The following PLCXD3 variants were observed in gnomAD, a reference collection of about 807,000 sequenced individuals.
The protein encoded by PLCXD3 is phosphatidylinositol specific phospholipase C X domain containing 3.
PLCXD3 carries 19 observed loss-of-function variants against 25.5 expected under a neutral mutation model. The ratio of observed to expected loss-of-function variants is 0.75; its 90% CI spans 0.52 to 1.09. PLCXD3 has a LOEUF of 1.09. Among genes scored for constraint, PLCXD3 ranks in the 50% least tolerant of loss-of-function variants. The probability of loss-of-function intolerance (pLI) is 0.00; values close to 1 mark genes in which losing one functional copy is unlikely to be tolerated. For synonymous variants in PLCXD3, 174 were observed against 137.6 expected (o/e 1.26, Z -1.85); for missense variants, 411 against 388.1 (o/e 1.06, Z -0.50).
At chr5:41,377,857 A>T (rs1464768934) in intron 2 of PLCXD3, among the ~76,000 whole-genome samples, 1 of 152,110 alleles carries the variant, frequency 6.6e-6, no homozygotes, top group Non-Finnish European at 1.5e-5. Context: ...TTGGAACTGT[A>T]GGATTTACAA....
chr5:41,414,723 T>G (rs1426819882), intron 1 of PLCXD3, among the ~76,000 whole-genome samples: 4 of 152,232 alleles, frequency 2.6e-5, no homozygotes, highest in African/African-American at 7.2e-5. Context: ...TTATAAGTTT[T>G]AAATTGTGCA....
rs116331341 is a variant in PLCXD3 at position 41,371,161 on chromosome 5, G to T, written c.812+10665C>A. Among the ~76,000 whole-genome samples, 1,197 of 152,180 alleles carry T rather than the reference G, an allele frequency of 7.9e-3. 10 individuals are homozygous for T. Among genetic ancestry groups the T allele is most frequent in the African/African-American group, 0.026 (1,098 of 41,536 alleles). On this transcript the variant is annotated intron_variant, in intron 2 of 2. Transcript: ENST00000377801. ...TGGGCTTTTGCATAGAAACAGCCTC[G>T]ACTGTTTTAATGAGAAAAAGAACAA...
At chr5:41,349,074 A>T (rs1403302060) in intron 2 of PLCXD3, among the ~76,000 whole-genome samples, 14 of 152,208 alleles carry the variant, frequency 9.2e-5, no homozygotes, top group Non-Finnish European at 1.5e-5. Context: ...ATCCATCTAC[A>T]GATACTGACA....
rs188557312 is a variant in PLCXD3, at chr5:41,502,028, A to G, written c.103+8396T>C. Among the ~76,000 whole-genome samples the G allele has an allele frequency of 9.9e-5, 15 of 152,226 alleles. No homozygotes were observed. In the East Asian group the frequency reaches 2.1e-3, roughly 22 times the overall value. ...TAACAAATTTTTTTTTGCAAGGAGC[A>G]TTATTACATATATTTGTGTGCTGAC... On this transcript the variant is annotated intron_variant, in intron 1 of 2. Transcript: ENST00000377801.
chr5:41,428,626 C>T (rs1580368805), intron 1 of PLCXD3, among the ~76,000 whole-genome samples: 1 of 151,616 alleles, frequency 6.6e-6, no homozygotes, highest in East Asian at 1.9e-4. Flanking sequence ...AAAGCCACTC[C>T]ATTTTTGTTA....
intron 1 of PLCXD3, among the ~76,000 whole-genome samples, chr5:41,467,300 T>G (rs989814505): frequency 1.3e-5 from 2 of 152,192 alleles, no homozygotes; most frequent in African/African-American, 4.8e-5. Flanking sequence ...TCCTGAATGA[T>G]TAGTGATGAT....
rs138768830 is a variant in PLCXD3 at position 41,311,106 on chromosome 5, A to G, written c.*2511T>C. 5.9e-5 allele frequency: 9 copies of G among 152,298 alleles called. No homozygotes were observed. The East Asian group carries it at 1.7e-3, about 29-fold the overall frequency. 9.4% of individuals were successfully genotyped at this position (152,298 alleles called of 1,614,324 possible). On this transcript the variant is annotated 3_prime_UTR_variant, in exon 3 of 3. Coordinates refer to ENST00000377801, the MANE Select transcript of PLCXD3 (RefSeq NM_001005473.3). The stretch of plus-strand genomic sequence containing the variant: ...GAAAAATCTGTTTTCCATTATATTT[A>G]TAAAATTAAATTCATGTGTCATTGC...
At chr5:41,447,789 A>G (rs979043666) in intron 1 of PLCXD3, among the ~76,000 whole-genome samples, 2 of 152,216 alleles carry the variant, frequency 1.3e-5, no homozygotes, top group Non-Finnish European at 2.9e-5. Flanking sequence ...CTGCTTAGGT[A>G]AGGCTGACAA....
At chr5:41,397,820 AC>A (rs1429931901) in intron 1 of PLCXD3, among the ~76,000 whole-genome samples, 1 of 152,202 alleles carries the variant, frequency 6.6e-6, no homozygotes, top group Non-Finnish European at 1.5e-5. Context: ...CATAGAGTCA[AC>A]GGGGATTATT....
At chr5:41,405,688 A>G (rs1040333983) in intron 1 of PLCXD3, among the ~76,000 whole-genome samples, 4 of 152,144 alleles carry the variant, frequency 2.6e-5, no homozygotes, top group Non-Finnish European at 5.9e-5. Context: ...TTCACATGAG[A>G]TATGCTTCAA....
chr5:41,449,175 A>G (rs1747571687), intron 1 of PLCXD3, among the ~76,000 whole-genome samples: 1 of 152,204 alleles, frequency 6.6e-6, no homozygotes, highest in East Asian at 1.9e-4. Flanking sequence ...GAATGTTCTC[A>G]TTCTCCTCAA....
chr5:41,398,221 G>C (rs900030305), intron 1 of PLCXD3, among the ~76,000 whole-genome samples: 4 of 152,310 alleles, frequency 2.6e-5, no homozygotes, highest in South Asian at 4.1e-4. Context: ...ATGGGGAAGA[G>C]ACCTGGTGGG....
intron 1 of PLCXD3, among the ~76,000 whole-genome samples, chr5:41,509,211 G>A (rs1738969469): frequency 6.6e-6 from 1 of 152,098 alleles, no homozygotes; most frequent in African/African-American, 2.4e-5. Flanking sequence ...GCTGAGAGGG[G>A]GCGCTGGATG....
intron 2 of PLCXD3, among the ~76,000 whole-genome samples, chr5:41,329,202 A>G (rs1743717845): frequency 6.6e-6 from 1 of 152,172 alleles, no homozygotes; most frequent in South Asian, 2.1e-4. Context: ...TAAAAGAGAA[A>G]TTTCAGTTCT....
intron 2 of PLCXD3, among the ~76,000 whole-genome samples, chr5:41,325,724 G>A (rs995149317): frequency 6.6e-6 from 1 of 152,176 alleles, no homozygotes; most frequent in Non-Finnish European, 1.5e-5. Context: ...GTAATAAAAT[G>A]CCACCAATGT....
At chr5:41,443,042 A>T (rs1337003166) in intron 1 of PLCXD3, among the ~76,000 whole-genome samples, 4 of 148,950 alleles carry the variant, frequency 2.7e-5, no homozygotes, top group African/African-American at 9.8e-5. Context: ...ATTATTGTAT[A>T]CATATATAAT....
chr5:41,342,012 T>C (rs1040353964), intron 2 of PLCXD3, among the ~76,000 whole-genome samples: 1 of 152,196 alleles, frequency 6.6e-6, no homozygotes, highest in Non-Finnish European at 1.5e-5. Context: ...ATCATACGGC[T>C]GTGATCTAGT....
chr5:41,353,648 C>T (rs755410717), intron 2 of PLCXD3, among the ~76,000 whole-genome samples: 6 of 152,106 alleles, frequency 3.9e-5, no homozygotes, highest in South Asian at 2.1e-4. Context: ...TGTGTAGCTT[C>T]GCTTTTATTG....
At chr5:41,369,259 A>G (rs1378815817) in intron 2 of PLCXD3, among the ~76,000 whole-genome samples, 2 of 152,174 alleles carry the variant, frequency 1.3e-5, no homozygotes, top group Non-Finnish European at 2.9e-5. Flanking sequence ...GATACTTAAC[A>G]ATAGTCCATC....
Sources: gnomAD v4.1 joint callset for allele counts (sites outside exome capture counted in the v4.1 genomes callset) on GRCh38, gnomAD v4.1.1 for gene constraint, MANE v1.5 for transcripts, NCBI Gene and HGNC (gene_info 2026-07-23, HGNC 2026-07-21) for gene names.